Variants in BBS9 observed in about 807,000 individuals in gnomAD.
BBS9 encodes Bardet-Biedl syndrome 9.
BBS9 carries 89 observed loss-of-function variants against 117.7 expected under a neutral mutation model. The ratio of observed to expected loss-of-function variants is 0.76; its 90% CI spans 0.64 to 0.90. The LOEUF (loss-of-function observed/expected upper bound fraction) is 0.90, where lower values mean the gene tolerates loss of function less well. Among genes scored for constraint, BBS9 ranks in the 40% least tolerant of loss-of-function variants. The pLI, the probability that BBS9 is intolerant of heterozygous loss-of-function variation, is 0.00. For missense variants in BBS9, 982 were observed against 1,042.2 expected (o/e 0.94, Z 0.80); for synonymous variants, 379 against 370.9 (o/e 1.02, Z -0.25).
At chr7:33,455,414 T>G (rs569621879) in intron 19 of BBS9, among the ~76,000 whole-genome samples, 1 of 152,344 alleles carries the variant, frequency 6.6e-6, no homozygotes, top group East Asian at 1.9e-4. Context: ...AAAATCTTCC[T>G]CTGACTAGAA....
intron 9 of BBS9, among the ~76,000 whole-genome samples, chr7:33,292,255 C>A (rs1804211490): frequency 6.6e-6 from 1 of 151,932 alleles, no homozygotes; most frequent in Non-Finnish European, 1.5e-5. Context: ...TGAGACAAGG[C>A]CTCCCTCTGT....
chr7:33,570,491 G>T (rs892807937), intron 21 of BBS9, among the ~76,000 whole-genome samples: 1 of 152,170 alleles, frequency 6.6e-6, no homozygotes, highest in Non-Finnish European at 1.5e-5. Context: ...AAATGAAGAA[G>T]AAATGAGAGA....
At chr7:33,282,020 G>A (rs1802008171) in intron 9 of BBS9, among the ~76,000 whole-genome samples, 1 of 151,264 alleles carries the variant, frequency 6.6e-6, no homozygotes, top group Admixed American at 6.6e-5. Flanking sequence ...TCCCTATGTT[G>A]CCAGATTGGT....
intron 21 of BBS9, among the ~76,000 whole-genome samples, chr7:33,604,322 A>G (rs1418223246): frequency 1.3e-5 from 2 of 152,172 alleles, no homozygotes; most frequent in African/African-American, 2.4e-5. Context: ...AATGCAGTTC[A>G]TGACTTTGCT....
intron 19 of BBS9, among the ~76,000 whole-genome samples, chr7:33,457,991 C>T (rs1563202976): frequency 6.6e-6 from 1 of 152,114 alleles, no homozygotes; most frequent in Non-Finnish European, 1.5e-5. Flanking sequence ...CTTTTAATTT[C>T]TAGTCTTTTA....
At chr7:33,206,748 A>G (rs767668817) in intron 5 of BBS9, among the ~76,000 whole-genome samples, 2 of 152,144 alleles carry the variant, frequency 1.3e-5, no homozygotes, top group African/African-American at 2.4e-5. Flanking sequence ...AATTTTGTCA[A>G]TTGGTCTAAT....
At chr7:33,627,744 T>G (rs1181450293) in intron 21 of BBS9, among the ~76,000 whole-genome samples, 1 of 152,216 alleles carries the variant, frequency 6.6e-6, no homozygotes, top group Non-Finnish European at 1.5e-5. Context: ...TTAGGCTTTC[T>G]CTAAATAAAT....
At chr7:33,322,653 T>G (rs966662876) in intron 9 of BBS9, among the ~76,000 whole-genome samples, 3 of 151,984 alleles carry the variant, frequency 2.0e-5, no homozygotes, top group East Asian at 1.9e-4. Context: ...TGGCGAAAGG[T>G]TTGTTCATTT....
chr7:33,596,721 G>A (rs1447122057), intron 21 of BBS9, among the ~76,000 whole-genome samples: 1 of 151,920 alleles, frequency 6.6e-6, no homozygotes, highest in Non-Finnish European at 1.5e-5. Flanking sequence ...TACACCTTTT[G>A]TAAATCACCT....
At chr7:33,537,459 T>G (rs891932137) in intron 21 of BBS9, among the ~76,000 whole-genome samples, 2 of 152,232 alleles carry the variant, frequency 1.3e-5, no homozygotes, top group African/African-American at 4.8e-5. Context: ...TTGTTGTTGT[T>G]GCAGAGCTAT....
intron 5 of BBS9, among the ~76,000 whole-genome samples, chr7:33,251,813 A>T (rs1203379794): frequency 3.3e-5 from 5 of 152,182 alleles, no homozygotes; most frequent in African/African-American, 1.2e-4. Flanking sequence ...GTGGAGCTGG[A>T]CTCAAACCTA....
chr7:33,183,842 C>G (rs1415474448), intron 5 of BBS9, among the ~76,000 whole-genome samples: 4 of 151,996 alleles, frequency 2.6e-5, no homozygotes, highest in African/African-American at 9.7e-5. Context: ...GCTTCAGGAA[C>G]CTGCAGCAAA....
In BBS9 at chr7:33,634,068, G is replaced by A. The variant is rs948166857; in HGVS notation, c.2522-1109G>A. Among the ~76,000 whole-genome samples the A allele has an allele frequency of 2.6e-5, 4 of 152,192 alleles. No homozygotes were observed. In the East Asian group the frequency reaches 7.7e-4, roughly 29 times the overall value. On this transcript the variant is annotated intron_variant, in intron 21 of 21. Transcript: ENST00000671952. ...TGGTCCCCAGCAATCTGGCCACCCC[G>A]CCTCAGGAAGCTGCACAGAACATCT...
intron 9 of BBS9, among the ~76,000 whole-genome samples, chr7:33,319,884 CA>C (rs780314635): frequency 2.0e-5 from 3 of 152,088 alleles, no homozygotes; most frequent in Non-Finnish European, 2.9e-5. Context: ...ACTATCCTAT[CA>C]AAAAGTGGGC....
At chr7:33,398,042 A>C (rs1228575267) in intron 19 of BBS9, among the ~76,000 whole-genome samples, 1 of 152,230 alleles carries the variant, frequency 6.6e-6, no homozygotes, top group Non-Finnish European at 1.5e-5. Flanking sequence ...GCTTTTTCAA[A>C]GCAATGTGAA....
At chr7:33,608,350 A>G (rs1391883136), downstream of BBS9, among the ~76,000 whole-genome samples, 2 of 152,148 alleles carry the variant, frequency 1.3e-5, no homozygotes, top group East Asian at 1.9e-4. Flanking sequence ...CAATGAACGT[A>G]TAAGTACCTA....
chr7:33,362,757 A>G (rs1437783412), intron 16 of BBS9, among the ~76,000 whole-genome samples: 1 of 152,152 alleles, frequency 6.6e-6, no homozygotes. Context: ...TTGCATTTTC[A>G]TATGAATCTT....
At chr7:33,608,276 ATCCAG>A (rs1009778191), downstream of BBS9, among the ~76,000 whole-genome samples, 1 of 152,040 alleles carries the variant, frequency 6.6e-6, no homozygotes, top group African/African-American at 2.4e-5. Context: ...CATTTTCTTT[ATCCAG>A]TCCACCATTG....
chr7:33,534,253 G>A lies in BBS9; in HGVS notation c.2521+77G>A. On this transcript the variant is annotated intron_variant, in intron 21 of 22. Coordinates refer to ENST00000242067, the MANE Select transcript of BBS9 (RefSeq NM_198428.3). ...GAGGAATGTGCCTGTGGTTGTATTT[G>A]GGGTTTAAATTTCATATTAAAGTGA... 9 of 1,466,934 alleles carry A rather than the reference G, an allele frequency of 6.1e-6. No individual in the cohort carries two copies. In the South Asian group the frequency reaches 1.1e-4, roughly 18 times the overall value. 90.9% of individuals were successfully genotyped at this position (1,466,934 alleles called of 1,614,324 possible).
Sources: allele counts gnomAD v4.1 joint callset (sites outside exome capture counted in the v4.1 genomes callset), GRCh38; gene constraint gnomAD v4.1.1; transcripts MANE v1.5; gene names NCBI Gene and HGNC (gene_info 2026-07-23, HGNC 2026-07-21).